The following HSPA12A variants were observed in gnomAD, a reference collection of about 807,000 sequenced individuals.
HSPA12A encodes the protein heat shock 70 kDa protein 12A.
A neutral mutation model predicts 69.2 loss-of-function variants in HSPA12A; 28 were observed. The ratio of observed to expected loss-of-function variants is 0.40; its 90% CI spans 0.30 to 0.55. The LOEUF (loss-of-function observed/expected upper bound fraction) is 0.55. Ranked by LOEUF, HSPA12A falls within the 20% of genes least tolerant of loss-of-function variation. HSPA12A has a pLI of 0.38. For missense variants in HSPA12A, 686 were observed against 900.7 expected (o/e 0.76, Z 3.05); for synonymous variants, 345 against 370.5 (o/e 0.93, Z 0.79).
intron 1 of HSPA12A, among the ~76,000 whole-genome samples, chr10:116,722,202 C>CAG (rs1451514643): frequency 6.6e-6 from 1 of 152,194 alleles, no homozygotes; most frequent in Admixed American, 6.5e-5. Flanking sequence ...ATCTCCTCTG[C>CAG]AGAGAGGAAT....
intron 1 of HSPA12A, among the ~76,000 whole-genome samples, chr10:116,713,067 C>T (rs7476360): frequency 0.043 from 4,302 of 99,624 alleles, 267 homozygotes; most frequent in African/African-American, 0.15. Flanking sequence ...TAACGATTGC[C>T]TAAAATCAGG....
chr10:116,797,591 C>T (rs140544548), intron 2 of HSPA12A, among the ~76,000 whole-genome samples: 4 of 152,268 alleles, frequency 2.6e-5, no homozygotes, highest in Admixed American at 1.3e-4. Context: ...AGTATTGACA[C>T]GCTGTTCAGT....
At chr10:116,679,037 T>A (rs1376591353) in intron 10 of HSPA12A, among the ~76,000 whole-genome samples, 1 of 152,194 alleles carries the variant, frequency 6.6e-6, no homozygotes, top group African/African-American at 2.4e-5. Context: ...TATATTCATT[T>A]TGCAACAAGC....
At chr10:116,692,227 C>T (rs1433299964) in intron 6 of HSPA12A, 124 bp downstream of exon 6, 10 of 702,160 alleles carry the variant, frequency 1.4e-5, no homozygotes, top group African/African-American at 5.4e-5. Flanking sequence ...GCTAGGGGAG[C>T]CTCCTTGCTG....
At chr10:116,811,579 TAAAAAAAAAAAA>T (rs60912684) in intron 2 of HSPA12A, among the ~76,000 whole-genome samples, 2 of 105,926 alleles carry the variant, frequency 1.9e-5, no homozygotes, top group African/African-American at 3.7e-5. Flanking sequence ...TTGCTTTTGT[TAAAAAAAAAAAA>T]AAAAAAAAAA....
At position 116,786,453 on chromosome 10, in the gene HSPA12A, AG is replaced by A. The variant is rs1282477024; in HGVS notation, c.91+48481del. ...TTTTCCTGAAAAAAAAAGAAAAAAA[AG>A]ATCTAGTGCTTTTGTCAGAATCTCA... On this transcript the variant is annotated intron_variant, in intron 2 of 12. Coordinates refer to the HSPA12A transcript ENST00000635765. Among the ~76,000 whole-genome samples the A allele has an allele frequency of 2.6e-5, 4 of 152,138 alleles. No individual in the cohort carries two copies. In the South Asian group the frequency reaches 6.2e-4, roughly 24 times the overall value.
intron 1 of HSPA12A, among the ~76,000 whole-genome samples, chr10:116,736,513 A>C (rs1851321548): frequency 6.6e-6 from 1 of 152,196 alleles, no homozygotes; most frequent in African/African-American, 2.4e-5. Flanking sequence ...TGATTAAATT[A>C]AGGATCTTGA....
At chr10:116,676,830 A>T (rs1185214989) in intron 10 of HSPA12A, among the ~76,000 whole-genome samples, 4 of 152,176 alleles carry the variant, frequency 2.6e-5, no homozygotes, top group Non-Finnish European at 5.9e-5. Flanking sequence ...GAACCCAACA[A>T]TATTTGGATT....
intron 2 of HSPA12A, among the ~76,000 whole-genome samples, chr10:116,805,667 A>G (rs1845052812): frequency 6.6e-6 from 1 of 152,180 alleles, no homozygotes; most frequent in Non-Finnish European, 1.5e-5. Flanking sequence ...CCACCATGCT[A>G]CTGAAAAAGC....
At chr10:116,706,996 G>T (rs148228169) in intron 2 of HSPA12A, among the ~76,000 whole-genome samples, 6 of 152,310 alleles carry the variant, frequency 3.9e-5, no homozygotes, top group Admixed American at 6.5e-5. Flanking sequence ...GGCTCGGAGT[G>T]GGGGAAGGGG....
chr10:116,825,286 G>T (rs552320162), intron 2 of HSPA12A, among the ~76,000 whole-genome samples: 1 of 152,094 alleles, frequency 6.6e-6, no homozygotes, highest in South Asian at 2.1e-4. Context: ...TAGATGGGAG[G>T]ATCACTTGAG....
At chr10:116,834,671 C>CGAT (rs1845677962) in intron 2 of HSPA12A, among the ~76,000 whole-genome samples, 1 of 152,106 alleles carries the variant, frequency 6.6e-6, no homozygotes, top group South Asian at 2.1e-4. Flanking sequence ...GTGTGGCCAG[C>CGAT]GATGATTCTA....
In HSPA12A at chr10:116,750,444, G is replaced by GTTATGATT. The variant is rs1851749291; in HGVS notation, c.92-43167_92-43160dup. ...CCTCATGGTACCCAATGATTCCCTGGTTATGATTTTGAAAACAAGGAATTT... is the reference window on the plus strand; with the variant it reads ...CCTCATGGTACCCAATGATTCCCTGGTTATGATTTTATGATTTTGAAAACAAGGAATTT... On this transcript the variant is annotated intron_variant, in intron 2 of 12. Coordinates refer to the HSPA12A transcript ENST00000635765. 8 of 579,584 alleles carry GTTATGATT rather than the reference G, an allele frequency of 1.4e-5. No individual in the cohort carries two copies. The East Asian group carries it at 2.4e-4, about 17-fold the overall frequency. 35.9% of individuals were successfully genotyped at this position (579,584 alleles called of 1,614,324 possible). A position where few individuals can be genotyped will look rare whatever the true frequency, so the allele number is the denominator to read the frequency against.
intron 2 of HSPA12A, among the ~76,000 whole-genome samples, chr10:116,814,491 C>T (rs1434073157): frequency 6.6e-6 from 1 of 152,194 alleles, no homozygotes; most frequent in East Asian, 1.9e-4. Context: ...TGAACTTTTT[C>T]CCCCATGGGA....
intron 2 of HSPA12A, among the ~76,000 whole-genome samples, chr10:116,763,803 A>C (rs1564811626): frequency 6.6e-6 from 1 of 152,206 alleles, no homozygotes; most frequent in Non-Finnish European, 1.5e-5. Context: ...AGATTTAAGG[A>C]CAGCATAGAC....
chr10:116,822,599 T>A (rs182745945), intron 2 of HSPA12A, among the ~76,000 whole-genome samples: 1 of 152,318 alleles, frequency 6.6e-6, no homozygotes, highest in East Asian at 1.9e-4. Context: ...GACCATTGGA[T>A]GGCTTGGGGA....
At chr10:116,832,643 C>A (rs1008699225) in intron 2 of HSPA12A, 1 of 152,154 alleles carries the variant, frequency 6.6e-6, no homozygotes, top group Non-Finnish European at 1.5e-5. Flanking sequence ...ACCTTCCATG[C>A]CAGGTGCTGA....
chr10:116,843,237 A>C (rs1845831432), intron 1 of HSPA12A, among the ~76,000 whole-genome samples: 1 of 152,170 alleles, frequency 6.6e-6, no homozygotes, highest in African/African-American at 2.4e-5. Flanking sequence ...TAAAGGCTAA[A>C]ATTAAAGTGA....
intron 1 of HSPA12A, among the ~76,000 whole-genome samples, chr10:116,846,321 T>G (rs1215760055): frequency 6.6e-6 from 1 of 151,596 alleles, no homozygotes; most frequent in Non-Finnish European, 1.5e-5. Flanking sequence ...GTTAATGTAA[T>G]TTTTCTTTTC....
Sources: gnomAD v4.1 joint callset for allele counts (sites outside exome capture counted in the v4.1 genomes callset) on GRCh38, gnomAD v4.1.1 for gene constraint, MANE v1.5 for transcripts, NCBI Gene and HGNC (gene_info 2026-07-23, HGNC 2026-07-21) for gene names.